Variants in DOCK3 observed in about 807,000 individuals in gnomAD.
The protein encoded by DOCK3 is dedicator of cytokinesis 3.
DOCK3 carries 60 observed loss-of-function variants against 265.6 expected under a neutral mutation model. The ratio of observed to expected loss-of-function variants is 0.23; its 90% CI spans 0.18 to 0.28. The LOEUF is 0.28. DOCK3 is among the 10% of genes least tolerant of loss of function. The pLI, the probability that DOCK3 is intolerant of heterozygous loss-of-function variation, is 1.00. For missense variants in DOCK3, 1,981 were observed against 2,594.3 expected, an observed-to-expected ratio of 0.76 and a Z score of 5.14; for synonymous variants, 881 against 938.0, an observed-to-expected ratio of 0.94 and a Z score of 1.11.
At chr3:50,864,304 T>C (rs1005467675) in intron 3 of DOCK3, among the ~76,000 whole-genome samples, 27 of 152,360 alleles carry the variant, frequency 1.8e-4, no homozygotes, top group African/African-American at 6.5e-4. Context: ...GGATTTTTTT[T>C]CTTTTGCTAT....
chr3:50,850,128 C>T lies in DOCK3; in HGVS notation c.162+8413C>T, dbSNP rs1478964998. Among the ~76,000 whole-genome samples, 4 of 151,900 alleles carry T rather than the reference C, an allele frequency of 2.6e-5. No individual in the cohort carries two copies. The East Asian group carries it at 7.8e-4, about 30-fold the overall frequency. Reference sequence around the variant, plus strand: ...GGGCGTGGTGGCTCACACCTGTAATCCCAGCACTTTGGGAGGCCGAGGCGG... The same window carrying T: ...GGGCGTGGTGGCTCACACCTGTAATTCCAGCACTTTGGGAGGCCGAGGCGG... On this transcript the variant is annotated intron_variant, in intron 3 of 52. Coordinates refer to ENST00000266037, the MANE Select transcript of DOCK3 (RefSeq NM_004947.5).
chr3:51,223,946 G>A (rs2090209686), intron 14 of DOCK3, among the ~76,000 whole-genome samples: 1 of 152,116 alleles, frequency 6.6e-6, no homozygotes, highest in Non-Finnish European at 1.5e-5. Context: ...TACCAGGAGG[G>A]CCCAAGCAGC....
chr3:51,231,836 C>T (rs2078135882), intron 19 of DOCK3, among the ~76,000 whole-genome samples: 1 of 152,108 alleles, frequency 6.6e-6, no homozygotes, highest in Non-Finnish European at 1.5e-5. Flanking sequence ...TTCCTAAGGC[C>T]AATGTCCAGA....
At chr3:50,894,336 C>CA (rs991695324) in intron 4 of DOCK3, among the ~76,000 whole-genome samples, 5 of 151,348 alleles carry the variant, frequency 3.3e-5, no homozygotes, top group South Asian at 2.1e-4. Context: ...CTGAAGGAAA[C>CA]AAAAAAAACC....
At chr3:50,970,894 TATATATATATATATATATATATATA>T (rs2077188500) in intron 5 of DOCK3, among the ~76,000 whole-genome samples, 3 of 5,664 alleles carry the variant, frequency 5.3e-4, no homozygotes, top group African/African-American at 1.6e-3. Flanking sequence ...CTAATTTTTA[TATATATATATATATATATATATATA>T]TATATATATA....
chr3:51,350,989 C>T lies in DOCK3; in HGVS notation c.4107+597C>T, dbSNP rs144286232. On this transcript the variant is annotated intron_variant, in intron 40 of 52. Transcript: ENST00000266037. ...TTCTCTGACCCAGGATGACAACAGC[C>T]TTTTCTCCCTACCGTTCCCTGGCAG... Among the ~76,000 whole-genome samples, 381 of 152,314 alleles carry T rather than the reference C, an allele frequency of 2.5e-3. 3 individuals are homozygous for T. Among genetic ancestry groups the T allele is most frequent in the African/African-American group, 8.6e-3 (359 of 41,554 alleles).
intron 2 of DOCK3, among the ~76,000 whole-genome samples, chr3:50,835,970 C>A (rs1271398943): frequency 6.6e-6 from 1 of 152,128 alleles, no homozygotes; most frequent in Non-Finnish European, 1.5e-5. Flanking sequence ...AAGTATCCCC[C>A]CATAACTGCC....
rs1576924994 is a variant in DOCK3, at chr3:51,357,998, A to C, written c.4805A>C (p.Lys1602Thr). The C allele has an allele frequency of 6.2e-7, 1 of 1,613,990 alleles. No homozygotes were observed. The highest frequency in any genetic ancestry group is 1.3e-5 in the African/African-American group (1 of 75,038). Residue 1602 changes from lysine (K) to threonine (T), a missense_variant, in exon 46 of 53, where the codon AAG becomes ACG. Transcript: ENST00000266037. ...GGAGTTGGGCTAGCAGTTCATGAGA[A>C]GTTTGTGCACCCAGAAATGCGGCCT... ...VLGVGLAVHE[K>T]FVHPEMRPLH...
At chr3:51,026,528 A>G (rs942056775) in intron 5 of DOCK3, among the ~76,000 whole-genome samples, 5 of 150,820 alleles carry the variant, frequency 3.3e-5, no homozygotes, top group African/African-American at 9.8e-5. Context: ...CTTCTCCTCA[A>G]TTTTCTTGAA....
intron 49 of DOCK3, among the ~76,000 whole-genome samples, chr3:51,370,667 C>T (rs1015779886): frequency 6.6e-6 from 1 of 152,242 alleles, no homozygotes; most frequent in African/African-American, 2.4e-5. Context: ...GAGAAATTAT[C>T]TTCTTGTCTG....
chr3:50,985,880 T>C (rs1266096559), intron 5 of DOCK3, among the ~76,000 whole-genome samples: 5 of 152,086 alleles, frequency 3.3e-5, no homozygotes, highest in African/African-American at 1.2e-4. Flanking sequence ...ATGTATTGTC[T>C]CTGTACGACA....
chr3:51,044,849 C>A (rs1281722805), intron 5 of DOCK3, among the ~76,000 whole-genome samples: 1 of 152,106 alleles, frequency 6.6e-6, no homozygotes, highest in African/African-American at 2.4e-5. Context: ...AGCAGCTTCC[C>A]CACCTCTCTT....
intron 1 of DOCK3, chr3:50,685,488 G>T (rs549115986): frequency 6.5e-6 from 1 of 152,686 alleles, no homozygotes; most frequent in Non-Finnish European, 1.5e-5. Context: ...GATTATGACG[G>T]TTATGATGTT....
chr3:51,185,481 G>A (rs1221187061), intron 12 of DOCK3, among the ~76,000 whole-genome samples: 1 of 152,166 alleles, frequency 6.6e-6, no homozygotes, highest in Non-Finnish European at 1.5e-5. Flanking sequence ...AATGAACTCT[G>A]TAAAGATCAA....
intron 9 of DOCK3, among the ~76,000 whole-genome samples, chr3:51,114,422 C>G (rs1293445637): frequency 6.6e-6 from 1 of 152,136 alleles, no homozygotes; most frequent in Non-Finnish European, 1.5e-5. Context: ...ATGCCAGAGG[C>G]TGCAGAGGAA....
intron 12 of DOCK3, among the ~76,000 whole-genome samples, chr3:51,170,536 T>C (rs1576308857): frequency 6.6e-6 from 1 of 152,204 alleles, no homozygotes; most frequent in South Asian, 2.1e-4. Flanking sequence ...TAATTGTACA[T>C]AGAAGTTTGT....
At chr3:50,778,828 C>G in intron 2 of DOCK3, 70 bp downstream of exon 2, 1 of 1,076,300 alleles carries the variant, frequency 9.3e-7, no homozygotes, top group Admixed American at 2.2e-5. Flanking sequence ...TTATTTTGTG[C>G]TAATAAGATT....
chr3:50,738,888 T>C (rs1419451583), intron 1 of DOCK3, among the ~76,000 whole-genome samples: 1 of 152,208 alleles, frequency 6.6e-6, no homozygotes, highest in African/African-American at 2.4e-5. Flanking sequence ...TCATATTTCA[T>C]ATCTCCGTTG....
intron 22 of DOCK3, among the ~76,000 whole-genome samples, chr3:51,249,392 G>A (rs1481267358): frequency 1.7e-4 from 21 of 127,100 alleles, no homozygotes; most frequent in South Asian, 5.1e-4. Context: ...TTAGCCCCCC[G>A]CCCGGCCAGC....
Sources: gnomAD v4.1 joint callset for allele counts (sites outside exome capture counted in the v4.1 genomes callset) on GRCh38, gnomAD v4.1.1 for gene constraint, MANE v1.5 for transcripts, NCBI Gene and HGNC (gene_info 2026-07-23, HGNC 2026-07-21) for gene names.